LRP1B: variants seen among roughly 807,000 people sequenced by gnomAD.
The protein encoded by LRP1B is low-density lipoprotein receptor-related protein 1B.
LRP1B carries 217 observed loss-of-function variants against 556.6 expected under a neutral mutation model. The ratio of observed to expected loss-of-function variants is 0.39; its 90% CI spans 0.35 to 0.44. LRP1B has a LOEUF of 0.44. Ranked by LOEUF, LRP1B falls within the 20% of genes least tolerant of loss-of-function variation. The probability of loss-of-function intolerance (pLI) is 1.00; values close to 1 mark genes in which losing one functional copy is unlikely to be tolerated. For missense variants in LRP1B, 5,053 were observed against 5,620.8 expected (o/e 0.90, Z 3.23); for synonymous variants, 2,047 against 1,865.8 (o/e 1.10, Z -2.50).
intron 1 of LRP1B, among the ~76,000 whole-genome samples, chr2:141,953,102 G>C (rs1371847215): frequency 6.6e-6 from 1 of 151,980 alleles, no homozygotes; most frequent in Non-Finnish European, 1.5e-5. Context: ...TCTCTTGAGG[G>C]TGACTGGGAG....
intron 2 of LRP1B, among the ~76,000 whole-genome samples, chr2:141,561,200 C>T (rs536830729): frequency 6.6e-6 from 1 of 151,680 alleles, no homozygotes. Flanking sequence ...GGATTATTTA[C>T]TATGATATAG....
At chr2:141,018,589 A>G (rs1306700617) in intron 12 of LRP1B, among the ~76,000 whole-genome samples, 1 of 152,096 alleles carries the variant, frequency 6.6e-6, no homozygotes, top group Non-Finnish European at 1.5e-5. Flanking sequence ...TATGAATTCC[A>G]CATTTATGTC....
intron 1 of LRP1B, among the ~76,000 whole-genome samples, chr2:141,906,149 C>A (rs941583317): frequency 3.3e-5 from 5 of 151,328 alleles, no homozygotes; most frequent in African/African-American, 1.2e-4. Flanking sequence ...TATCACCAAA[C>A]AAAAGAGCAG....
At position 140,475,600 on chromosome 2, in the gene LRP1B, CAT is replaced by C. The variant is rs531927448; in HGVS notation, c.9426-265_9426-264del. 3.3e-3 allele frequency among the ~76,000 whole-genome samples: 492 copies of C among 151,106 alleles called. 3 individuals are homozygous for C. The highest frequency in any genetic ancestry group is 0.011 in the African/African-American group (473 of 41,208). On this transcript the variant is annotated intron_variant, in intron 59 of 90. Transcript: ENST00000389484. ...ATATAACAATATTATATAATAATATCATGTGTTAACCAATTATAGATGTTCAA... is the reference window on the plus strand; with the variant it reads ...ATATAACAATATTATATAATAATATCGTGTTAACCAATTATAGATGTTCAA...
At chr2:141,396,724 G>A (rs1414842960) in intron 3 of LRP1B, among the ~76,000 whole-genome samples, 1 of 151,984 alleles carries the variant, frequency 6.6e-6, no homozygotes, top group Non-Finnish European at 1.5e-5. Flanking sequence ...TATATTTGTA[G>A]TAAAAATTAA....
chr2:140,659,098 GTTTTTTTTTTTTT>G (rs59651364), intron 41 of LRP1B, among the ~76,000 whole-genome samples: 2,351 of 61,276 alleles, frequency 0.038, 141 homozygotes, highest in African/African-American at 0.14. Context: ...CTGTAAATCT[GTTTTTTTTTTTTT>G]TTTTTTTTTT....
intron 43 of LRP1B, among the ~76,000 whole-genome samples, chr2:140,551,420 T>G (rs1451171494): frequency 1.3e-5 from 2 of 152,042 alleles, no homozygotes; most frequent in Non-Finnish European, 2.9e-5. Flanking sequence ...GAGCATGAAG[T>G]GCTGGGAAAC....
intron 2 of LRP1B, among the ~76,000 whole-genome samples, chr2:141,712,089 C>A (rs560315295): frequency 6.6e-6 from 1 of 152,170 alleles, no homozygotes; most frequent in East Asian, 1.9e-4. Flanking sequence ...GGAGGACAGC[C>A]AAATTCACTT....
chr2:141,825,895 T>G (rs1220385765), intron 1 of LRP1B, among the ~76,000 whole-genome samples: 2 of 152,172 alleles, frequency 1.3e-5, no homozygotes, highest in East Asian at 3.8e-4. Flanking sequence ...ATGCACATAT[T>G]TTCCCACATT....
At chr2:140,398,000 A>G (rs1489434987) in intron 66 of LRP1B, among the ~76,000 whole-genome samples, 1 of 152,150 alleles carries the variant, frequency 6.6e-6, no homozygotes, top group African/African-American at 2.4e-5. Context: ...TCTGATTGAC[A>G]TCCTTGAAAC....
At chr2:141,574,271 G>A (rs1686653402) in intron 2 of LRP1B, among the ~76,000 whole-genome samples, 1 of 152,166 alleles carries the variant, frequency 6.6e-6, no homozygotes, top group South Asian at 2.1e-4. Flanking sequence ...TCATCCCTGG[G>A]ATGCAAGGCT....
At chr2:141,433,061 T>C (rs1384731141) in intron 3 of LRP1B, among the ~76,000 whole-genome samples, 2 of 152,090 alleles carry the variant, frequency 1.3e-5, no homozygotes, top group Non-Finnish European at 2.9e-5. Flanking sequence ...CTGCATTAGC[T>C]GCATAAATTT....
At chr2:140,336,772 A>G (rs1406170517) in intron 77 of LRP1B, among the ~76,000 whole-genome samples, 2 of 151,974 alleles carry the variant, frequency 1.3e-5, no homozygotes, top group Non-Finnish European at 2.9e-5. Context: ...TTGAGACTGG[A>G]CAGCAAGAAA....
chr2:141,247,172 T>C (rs1684097539), intron 5 of LRP1B, 54 bp downstream of exon 5: 24 of 1,604,412 alleles, frequency 1.5e-5, no homozygotes, highest in Non-Finnish European at 1.9e-5. Context: ...AAAAGAATTG[T>C]AAAAAGGAAA....
chr2:141,218,550 T>A (rs953861530), intron 6 of LRP1B, among the ~76,000 whole-genome samples: 2 of 152,074 alleles, frequency 1.3e-5, no homozygotes, highest in African/African-American at 4.8e-5. Flanking sequence ...CCAAACACTA[T>A]ATATTCTCAC....
At chr2:140,645,533 CTTTTTTTTTT>C (rs36082249) in intron 41 of LRP1B, among the ~76,000 whole-genome samples, 1 of 81,230 alleles carries the variant, frequency 1.2e-5, no homozygotes, top group Non-Finnish European at 2.2e-5. Flanking sequence ...TGCCAATATT[CTTTTTTTTTT>C]TTTTTTTTTT....
intron 3 of LRP1B, among the ~76,000 whole-genome samples, chr2:141,444,622 A>T (rs950436382): frequency 1.3e-5 from 2 of 152,076 alleles, no homozygotes; most frequent in African/African-American, 4.8e-5. Context: ...GTTTATTGAG[A>T]GTTTTTAGTA....
At chr2:141,945,658 C>T (rs1700932312) in intron 1 of LRP1B, among the ~76,000 whole-genome samples, 1 of 151,766 alleles carries the variant, frequency 6.6e-6, no homozygotes, top group Admixed American at 6.6e-5. Context: ...ATAATGCCCA[C>T]CCAGTTTTAC....
chr2:140,820,039 G>A (rs186291839), intron 31 of LRP1B, among the ~76,000 whole-genome samples: 8 of 152,074 alleles, frequency 5.3e-5, no homozygotes, highest in Non-Finnish European at 7.4e-5. Flanking sequence ...TCGCTCTGTC[G>A]CCCAGGCTGG....
Sources: allele counts gnomAD v4.1 joint callset (sites outside exome capture counted in the v4.1 genomes callset), GRCh38; gene constraint gnomAD v4.1.1; transcripts MANE v1.5; gene names NCBI Gene and HGNC (gene_info 2026-07-23, HGNC 2026-07-21).